Variants in PSEN2 observed in about 807,000 individuals in gnomAD.
PSEN2 encodes the protein presenilin 2.
In PSEN2, 32 loss-of-function variants were observed where a neutral mutation model predicts 49.1. The observed-to-expected ratio is 0.65, with a 90% CI of 0.49 to 0.88. The LOEUF is 0.88. Ranked by LOEUF, PSEN2 falls within the 40% of genes least tolerant of loss-of-function variation. The pLI is 0.00. For synonymous variants in PSEN2, 255 were observed against 244.0 expected (o/e 1.05, Z -0.42); for missense variants, 522 against 586.9 (o/e 0.89, Z 1.14).
intron 3 of PSEN2, among the ~76,000 whole-genome samples, chr1:226,879,083 G>A (rs1660812667): frequency 6.6e-6 from 1 of 152,024 alleles, no homozygotes; most frequent in African/African-American, 2.4e-5. Flanking sequence ...TGTTACCCAG[G>A]CTGGTCTTGA....
At chr1:226,889,932 G>C in intron 8 of PSEN2, 103 bp from the exon 9 acceptor site, 2 of 908,526 alleles carry the variant, frequency 2.2e-6, no homozygotes, top group Non-Finnish European at 3.7e-6. Context: ...CAGAGGCAAG[G>C]CATGCTCTGA....
intron 12 of PSEN2, among the ~76,000 whole-genome samples, chr1:226,902,840 A>T (rs554820654): frequency 6.6e-6 from 1 of 152,264 alleles, no homozygotes; most frequent in East Asian, 1.9e-4. Context: ...GCAGAGATGG[A>T]CAGCCAGGAG....
At chr1:226,884,069 C>T (rs1438990378) in intron 5 of PSEN2, 150 bp downstream of exon 5, 3 of 676,710 alleles carry the variant, frequency 4.4e-6, no homozygotes, top group Non-Finnish European at 7.6e-6. Flanking sequence ...GGTTCATGGC[C>T]TGGCTCACTG....
chr1:226,889,858 CTCTGGCTCACACCAGGGCCTGCTCT>C (rs1418148624), intron 8 of PSEN2, among the ~76,000 whole-genome samples, 152 bp from the exon 9 acceptor site: 2 of 152,240 alleles, frequency 1.3e-5, no homozygotes. Flanking sequence ...CGAGGCCCTA[CTCTGGCTCACACCAGGGCCTGCTCT>C]AAGTTGTGAC....
chr1:226,887,013 TGGCAGATGGTGGGAAGCA>T (rs1000606812), intron 6 of PSEN2, among the ~76,000 whole-genome samples: 9 of 152,184 alleles, frequency 5.9e-5, no homozygotes, highest in Non-Finnish European at 1.2e-4. Context: ...GCTGGGAGGT[TGGCAGATGGTGGGAAGCA>T]GGGTGGAGGG....
At chr1:226,873,401 T>C (rs539852939) in intron 2 of PSEN2, among the ~76,000 whole-genome samples, 2 of 152,244 alleles carry the variant, frequency 1.3e-5, no homozygotes, top group Admixed American at 1.3e-4. Flanking sequence ...TTCATGTTTA[T>C]TCTAGAAAAT....
chr1:226,884,639 TGTG>T, intron 5 of PSEN2: 1 of 151,766 alleles, frequency 6.6e-6, no homozygotes, highest in South Asian at 2.1e-4. Context: ...TAAGGCCAGG[TGTG>T]GTGTCTCATG....
chr1:226,870,678 G>A (rs990678127), intron 1 of PSEN2, 29 bp downstream of exon 1: 8 of 152,172 alleles, frequency 5.3e-5, no homozygotes, highest in Admixed American at 2.6e-4. Context: ...GGGGTGCCCA[G>A]GCCAGGGCCC....
chr1:226,882,480 G>A (rs969251707), intron 4 of PSEN2, among the ~76,000 whole-genome samples: 2 of 152,180 alleles, frequency 1.3e-5, no homozygotes, highest in African/African-American at 2.4e-5. Flanking sequence ...TTGAGCTGGG[G>A]ATATTTGGGC....
chr1:226,902,147 C>T (rs1370189837), intron 12 of PSEN2, among the ~76,000 whole-genome samples: 2 of 152,186 alleles, frequency 1.3e-5, no homozygotes, highest in African/African-American at 4.8e-5. Context: ...AACTGCTCCA[C>T]CTCAGGTCAT....
Position 226,883,861 on chromosome 1 carries a change from A to T in PSEN2, c.298A>T (p.Ile100Phe). ...GTTTGTGCCTGTCACTCTGTGCATG[A>T]TCGTGGTGGTAGCCACCATCAAGTC... ...MLFVPVTLCM[I>F]VVVATIKSVR... The change falls in exon 5 of 13, where the codon ATC (isoleucine) becomes TTC (phenylalanine). Residue 100 changes from isoleucine to phenylalanine, a missense_variant. Transcript: ENST00000366783. 1.9e-6 allele frequency: 3 copies of T among 1,608,870 alleles called. No individual in the cohort carries two copies.
rs1358807657 is a variant in PSEN2, at chr1:226,888,102, C to T, written c.510C>T (p.Gly170=). The T allele has an allele frequency of 6.2e-7, 1 of 1,613,644 alleles. No homozygotes were observed. The highest frequency in any genetic ancestry group is 1.1e-5 in the South Asian group (1 of 91,074). Residue 170 remains glycine, a synonymous_variant, in exon 7 of 13, where the codon GGC becomes GGT. Coordinates refer to ENST00000366783, the MANE Select transcript of PSEN2 (RefSeq NM_000447.3). ...TTTCTGTTGTCTAGTTCATCCATGG[C>T]TGGTTGATCATGTCTTCACTGATGC... is the stretch of plus-strand genomic sequence containing the variant. ...YKYRCYKFIH[G]WLIMSSLMLL... is the part of the protein sequence containing the mutation.
chr1:226,890,455 C>A, intron 9 of PSEN2: 1 of 370,082 alleles, frequency 2.7e-6, no homozygotes, highest in Non-Finnish European at 5.2e-6. Context: ...TGAGAAGGGA[C>A]TTTGGAGAGG....
At chr1:226,895,378 C>T in intron 12 of PSEN2, 46 bp from the exon 13 acceptor site, 1 of 1,610,450 alleles carries the variant, frequency 6.2e-7, no homozygotes, top group Non-Finnish European at 8.5e-7. Flanking sequence ...CAGCTCCTGT[C>T]CACACCAGGG....
chr1:226,889,969 C>T (rs567977265), intron 8 of PSEN2, 66 bp from the exon 9 acceptor site: 2 of 1,308,698 alleles, frequency 1.5e-6, no homozygotes, highest in South Asian at 2.4e-5. Flanking sequence ...TCCTGTGCTA[C>T]AGGGCAGGCT....
chr1:226,887,835 TGGG>T (rs917723784), intron 6 of PSEN2, among the ~76,000 whole-genome samples: 2 of 151,962 alleles, frequency 1.3e-5, no homozygotes, highest in African/African-American at 4.8e-5. Context: ...CCAGTAGAGA[TGGG>T]GGGAGACCGC....
At position 226,891,374 on chromosome 1, in the gene PSEN2, G is replaced by A; in HGVS notation, c.970+13G>A. On this transcript the variant is annotated intron_variant, in intron 10 of 12. Coordinates refer to ENST00000366783, the MANE Select transcript of PSEN2 (RefSeq NM_000447.3). ...GACCCGGAGATGGGTGAGTATCTTG[G>A]GGAGCTAACAGCCTCTCATCACTGG... 1 of 1,605,420 alleles carries A rather than the reference G, an allele frequency of 6.2e-7. No homozygotes were observed.
chr1:226,890,097 A>G lies in PSEN2; in HGVS notation c.850A>G (p.Arg284Gly), dbSNP rs1208742830. 1 of 1,613,986 alleles carries G rather than the reference A, an allele frequency of 6.2e-7. No individual in the cohort carries two copies. Among genetic ancestry groups the G allele is most frequent in the Non-Finnish European group, 8.5e-7 (1 of 1,179,922 alleles). The change falls in exon 9 of 13, where the codon AGA becomes GGA. Residue 284 changes from arginine (R) to glycine (G), a missense_variant. Physicochemically the swap from Arg to Gly is moderately radical, Grantham distance 125. Transcript: ENST00000366783. Reference protein sequence around the residue: ...LRMLVETAQERNEPIFPALIY... With the variant: ...LRMLVETAQEGNEPIFPALIY... Reference sequence around the variant, plus strand: ...AATGCTGGTAGAAACTGCCCAGGAGAGAAATGAGCCCATATTCCCTGCCCT... The same window carrying G: ...AATGCTGGTAGAAACTGCCCAGGAGGGAAATGAGCCCATATTCCCTGCCCT...
At chr1:226,875,326 G>A (rs1367457367) in intron 2 of PSEN2, 39 bp from the exon 3 acceptor site, 1 of 152,282 alleles carries the variant, frequency 6.6e-6, no homozygotes, top group Non-Finnish European at 1.5e-5. Context: ...CAATTGTCTG[G>A]GTATCACCTG....
Sources: allele counts gnomAD v4.1 joint callset (sites outside exome capture counted in the v4.1 genomes callset), GRCh38; gene constraint gnomAD v4.1.1; transcripts MANE v1.5; gene names NCBI Gene and HGNC (gene_info 2026-07-23, HGNC 2026-07-21).